The following EPS15 variants were observed in gnomAD, a reference collection of about 807,000 sequenced individuals.
EPS15 encodes epidermal growth factor receptor substrate 15.
In EPS15, 72 loss-of-function variants were observed where a neutral mutation model predicts 113.8. The ratio of observed to expected loss-of-function variants is 0.63; its 90% CI spans 0.52 to 0.77. The LOEUF (loss-of-function observed/expected upper bound fraction) is 0.77, where lower values mean the gene tolerates loss of function less well. EPS15 is among the 30% of genes least tolerant of loss of function. EPS15 has a pLI of 0.00. For missense variants in EPS15, 1,048 were observed against 1,045.8 expected, an observed-to-expected ratio of 1.00 and a Z score of -0.03; for synonymous variants, 344 against 363.4, an observed-to-expected ratio of 0.95 and a Z score of 0.61.
intron 12 of EPS15, chr1:51,423,440 T>G (rs1650949959): frequency 3.0e-6 from 3 of 985,308 alleles, no homozygotes; most frequent in South Asian, 9.4e-5. Flanking sequence ...CTTGGAAATT[T>G]TCTTTCCTCC....
At chr1:51,426,543 T>C (rs1437500698) in intron 12 of EPS15, among the ~76,000 whole-genome samples, 1 of 151,474 alleles carries the variant, frequency 6.6e-6, no homozygotes, top group Non-Finnish European at 1.5e-5. Context: ...CCCTAGATGT[T>C]ACTGTGAAGG....
chr1:51,390,581 A>T (rs2148399956), intron 21 of EPS15, among the ~76,000 whole-genome samples: 1 of 152,158 alleles, frequency 6.6e-6, no homozygotes, highest in Non-Finnish European at 1.5e-5. Context: ...CAAAGGGCTA[A>T]TATCCAGAAT....
At chr1:51,467,145 T>C (rs1227356704) in intron 5 of EPS15, among the ~76,000 whole-genome samples, 1 of 152,194 alleles carries the variant, frequency 6.6e-6, no homozygotes, top group Non-Finnish European at 1.5e-5. Flanking sequence ...CTGTCACCTA[T>C]CAAACCGCAA....
intron 12 of EPS15, among the ~76,000 whole-genome samples, chr1:51,430,584 A>AT (rs143445021): frequency 0.042 from 6,420 of 151,466 alleles, 216 homozygotes; most frequent in Middle Eastern, 0.11. Flanking sequence ...AAAAAAAAAA[A>AT]TCAAGAATTC....
intron 12 of EPS15, chr1:51,422,200 A>C (rs908753410): frequency 9.0e-6 from 3 of 332,202 alleles, no homozygotes; most frequent in Non-Finnish European, 1.4e-5. Context: ...AAAGAAAAGG[A>C]GGGGTTGCAT....
At chr1:51,516,271 A>G (rs1644714534) in intron 1 of EPS15, among the ~76,000 whole-genome samples, 1 of 152,218 alleles carries the variant, frequency 6.6e-6, no homozygotes, top group Non-Finnish European at 1.5e-5. Context: ...AAACTCCTCT[A>G]GCAGAAATAA....
chr1:51,428,853 A>C (rs1009977667), intron 12 of EPS15, among the ~76,000 whole-genome samples: 4 of 142,366 alleles, frequency 2.8e-5, no homozygotes, highest in Non-Finnish European at 4.6e-5. Flanking sequence ...AAAAAAAGTG[A>C]GGGTAAGGCA....
In EPS15 at chr1:51,481,272, C is replaced by T; in HGVS notation, c.75+1G>A. 7.3e-7 allele frequency: 1 copy of T among 1,365,802 alleles called. No individual in the cohort carries two copies. The highest frequency in any genetic ancestry group is 1.0e-6 in the Non-Finnish European group (1 of 957,260). 84.6% of individuals were successfully genotyped at this position (1,365,802 alleles called of 1,614,324 possible). A position where few individuals can be genotyped will look rare whatever the true frequency, so the allele number is the denominator to read the frequency against. On this transcript the variant is annotated splice_donor_variant, in intron 2 of 24. Coordinates refer to ENST00000371733, the MANE Select transcript of EPS15 (RefSeq NM_001981.3). LOFTEE classifies it high-confidence loss of function. ...GGCAAACAATGAAACAAAAATCTTA[C>T]CTGTCTATAGTATTTTTCATATACA... is the stretch of plus-strand genomic sequence containing the variant.
chr1:51,426,791 T>C (rs1651229872), intron 12 of EPS15, among the ~76,000 whole-genome samples: 1 of 150,906 alleles, frequency 6.6e-6, no homozygotes, highest in African/African-American at 2.5e-5. Flanking sequence ...GCTCCCACAA[T>C]CTTAAAAATT....
At chr1:51,482,520 G>A (rs757748658) in intron 1 of EPS15, among the ~76,000 whole-genome samples, 4 of 152,168 alleles carry the variant, frequency 2.6e-5, no homozygotes, top group African/African-American at 7.2e-5. Context: ...GGAGTACAGT[G>A]GCGTGGCACG....
At chr1:51,384,158 A>G (rs1319602499) in intron 21 of EPS15, among the ~76,000 whole-genome samples, 1 of 152,178 alleles carries the variant, frequency 6.6e-6, no homozygotes, top group Non-Finnish European at 1.5e-5. Context: ...ACCCAAAGAT[A>G]TCTACAGATT....
chr1:51,398,354 T>G (rs560460562), intron 20 of EPS15, among the ~76,000 whole-genome samples: 1 of 152,034 alleles, frequency 6.6e-6, no homozygotes, highest in African/African-American at 2.4e-5. Context: ...CGCCCAGCCA[T>G]GAAGATTTTT....
chr1:51,389,713 C>G (rs1234075729), intron 21 of EPS15, among the ~76,000 whole-genome samples: 1 of 132,408 alleles, frequency 7.6e-6, no homozygotes, highest in Non-Finnish European at 1.7e-5. Flanking sequence ...CTCTCATTCA[C>G]AATTGCTTCA....
intron 1 of EPS15, among the ~76,000 whole-genome samples, chr1:51,508,250 G>GAAAAGAAAAGAA (rs1190191106): frequency 5.8e-4 from 18 of 31,274 alleles, no homozygotes; most frequent in Non-Finnish European, 9.2e-4. Flanking sequence ...AAGAGAGAAA[G>GAAAAGAAAAGAA]AGAGAGAGAG....
chr1:51,408,073 A>G (rs752780100), intron 15 of EPS15, 62 bp downstream of exon 15: 35 of 1,420,842 alleles, frequency 2.5e-5, no homozygotes, highest in Middle Eastern at 3.5e-4. Flanking sequence ...GTTGGAAAGT[A>G]TAACTGACTA....
chr1:51,406,174 CCCT>C lies in EPS15; in HGVS notation c.1474-69_1474-67del, dbSNP rs1649112294. On this transcript the variant is annotated intron_variant, in intron 15 of 24. Coordinates refer to ENST00000371733, the MANE Select transcript of EPS15 (RefSeq NM_001981.3). ...TAGAAAGACATGTAACATAAAAACG[CCCT>C]CCTCCACTTCCTGACGGGCTAGGTG... is the stretch of plus-strand genomic sequence containing the variant. The C allele has an allele frequency of 7.4e-6, 10 of 1,353,538 alleles. No individual in the cohort carries two copies. In the South Asian group the frequency reaches 9.0e-5, roughly 12 times the overall value. 83.8% of individuals were successfully genotyped at this position (1,353,538 alleles called of 1,614,324 possible).
At chr1:51,441,908 A>G (rs1165159382) in intron 11 of EPS15, among the ~76,000 whole-genome samples, 1 of 152,182 alleles carries the variant, frequency 6.6e-6, no homozygotes, top group Non-Finnish European at 1.5e-5. Flanking sequence ...CTCTAAAAGT[A>G]AATTTGATAA....
At chr1:51,514,737 T>C (rs1644684141) in intron 1 of EPS15, among the ~76,000 whole-genome samples, 1 of 152,206 alleles carries the variant, frequency 6.6e-6, no homozygotes, top group African/African-American at 2.4e-5. Context: ...GACTTGCTAT[T>C]GGATGAACTT....
At chr1:51,446,446 T>C (rs1303886141) in intron 10 of EPS15, among the ~76,000 whole-genome samples, 1 of 150,764 alleles carries the variant, frequency 6.6e-6, no homozygotes, top group East Asian at 1.9e-4. Context: ...TAACTGACAC[T>C]GTCATTCTTT....
Sources: allele counts gnomAD v4.1 joint callset (sites outside exome capture counted in the v4.1 genomes callset), GRCh38; gene constraint gnomAD v4.1.1; transcripts MANE v1.5; gene names NCBI Gene and HGNC (gene_info 2026-07-23, HGNC 2026-07-21).